The following RAE1 variants were observed in gnomAD, a reference collection of about 807,000 sequenced individuals.
RAE1 encodes the protein mRNA export factor RAE1.
Under a neutral mutation model 52.7 loss-of-function variants are expected in RAE1, and 13 were observed. The ratio of observed to expected loss-of-function variants is 0.25; its 90% CI spans 0.16 to 0.39. The LOEUF (loss-of-function observed/expected upper bound fraction) is 0.39, where lower values mean the gene tolerates loss of function less well. RAE1 is among the 10% of genes least tolerant of loss of function. RAE1 has a pLI of 1.00. For synonymous variants in RAE1, 164 were observed against 153.1 expected (o/e 1.07, Z -0.52); for missense variants, 262 against 459.8 (o/e 0.57, Z 3.93).
chr20:57,351,524 C>T, intron 1 of RAE1, 102 bp downstream of exon 1: 1 of 985,426 alleles, frequency 1.0e-6, no homozygotes, highest in Non-Finnish European at 1.2e-6. Context: ...TGCTGGGGCG[C>T]GAGCGGGACT....
At position 57,365,453 on chromosome 20, in the gene RAE1, C is replaced by T. The variant is rs776703176; in HGVS notation, c.375+11C>T. On this transcript the variant is annotated intron_variant, in intron 5 of 11. Coordinates refer to ENST00000395841, the MANE Select transcript of RAE1 (RefSeq NM_003610.4). ...ATACAGATCGCACAGGTAACAGAAG[C>T]CTCTGCAGAAAGGCTAGGCACAACT... 3.8e-6 allele frequency: 6 copies of T among 1,578,502 alleles called. No individual in the cohort carries two copies. Among genetic ancestry groups the T allele is most frequent in the Non-Finnish European group, 5.2e-6 (6 of 1,157,848 alleles).
At chr20:57,373,361 AT>A (rs577648541) in intron 8 of RAE1, 113 bp from the exon 9 acceptor site, 2 of 987,524 alleles carry the variant, frequency 2.0e-6, no homozygotes, top group Non-Finnish European at 1.5e-6. Flanking sequence ...TATTTGAGTG[AT>A]TTTTTCTGGT....
At chr20:57,356,760 G>A (rs890471455) in intron 4 of RAE1, among the ~76,000 whole-genome samples, 2 of 152,222 alleles carry the variant, frequency 1.3e-5, no homozygotes, top group African/African-American at 4.8e-5. Context: ...TGTGATTGAG[G>A]AGAGTTTAAT....
At chr20:57,363,348 AC>A (rs1173494006) in intron 4 of RAE1, among the ~76,000 whole-genome samples, 1 of 152,170 alleles carries the variant, frequency 6.6e-6, no homozygotes, top group Admixed American at 6.5e-5. Flanking sequence ...CCCGGTCTCT[AC>A]AAAAAATAGA....
intron 4 of RAE1, among the ~76,000 whole-genome samples, chr20:57,364,812 C>T (rs2066932689): frequency 6.6e-6 from 1 of 152,134 alleles, no homozygotes; most frequent in South Asian, 2.1e-4. Context: ...GGACCAATGA[C>T]TGTTGTAAAT....
rs1165921705 is a variant in RAE1, at chr20:57,378,054, C to T, written c.1062C>T (p.Phe354=). 3 of 1,612,954 alleles carry T rather than the reference C, an allele frequency of 1.9e-6. No homozygotes were observed. The highest frequency in any genetic ancestry group is 2.2e-5 in the South Asian group (2 of 91,018). ...FYNPQKKNYI[F]LRNAAEELKP... is the part of the protein sequence containing the mutation. ...ATCCCCAGAAAAAAAATTACATTTT[C>T]CTGCGTAATGCAGCCGAAGAGCTAA... Residue 354 remains phenylalanine, a synonymous_variant, in exon 12 of 12, where the codon TTC becomes TTT. Coordinates refer to ENST00000395841, the MANE Select transcript of RAE1 (RefSeq NM_003610.4).
intron 3 of RAE1, 49 bp downstream of exon 3, chr20:57,354,865 G>T: frequency 7.2e-7 from 1 of 1,382,096 alleles, no homozygotes; most frequent in Non-Finnish European, 9.9e-7. Context: ...TCTTTGTATG[G>T]CCAAGGTTAG....
In RAE1 at chr20:57,374,599, C is replaced by T. The variant is rs114427472; in HGVS notation, c.826-8C>T. 407 of 1,606,988 alleles carry T rather than the reference C, an allele frequency of 2.5e-4. 2 individuals carry two copies. In the African/African-American group the frequency reaches 5.0e-3, roughly 20 times the overall value. ...CTGGCTTCTCATTGTGCATGTCAAT[C>T]CTTGCAGGTAAATGGAATCGCGTTC... is the stretch of plus-strand genomic sequence containing the variant. On this transcript the variant is annotated splice_polypyrimidine_tract_variant and splice_region_variant and intron_variant, in intron 10 of 11. Transcript: ENST00000395841.
intron 1 of RAE1, chr20:57,351,740 AGAAGCTTTC>A: frequency 8.1e-6 from 8 of 985,474 alleles, no homozygotes; most frequent in Non-Finnish European, 9.6e-6. Context: ...AGCTCCTGGG[AGAAGCTTTC>A]CCTGGCCGCT....
chr20:57,352,167 A>AATTT (rs10625159), intron 1 of RAE1, among the ~76,000 whole-genome samples: 142 of 151,852 alleles, frequency 9.4e-4, no homozygotes, highest in African/African-American at 3.1e-3. Context: ...ATTGAAGTAT[A>AATTT]AAATAACATT....
At chr20:57,377,451 C>T (rs2067132145) in intron 11 of RAE1, among the ~76,000 whole-genome samples, 1 of 152,234 alleles carries the variant, frequency 6.6e-6, no homozygotes, top group Non-Finnish European at 1.5e-5. Context: ...CTGGCCTCAT[C>T]CTGATTTCGG....
chr20:57,372,576 G>T (rs554541455), intron 8 of RAE1: 1 of 152,128 alleles, frequency 6.6e-6, no homozygotes, highest in Non-Finnish European at 1.5e-5. Context: ...TTTTTTCTTC[G>T]TACTCACAAA....
At chr20:57,367,261 C>T (rs901821356) in intron 7 of RAE1, among the ~76,000 whole-genome samples, 182 bp downstream of exon 7, 23 of 152,054 alleles carry the variant, frequency 1.5e-4, no homozygotes, top group African/African-American at 4.8e-4. Context: ...TTTTGTGCTG[C>T]GTTTCTTTTA....
At chr20:57,376,373 G>A (rs1392027199) in intron 11 of RAE1, among the ~76,000 whole-genome samples, 1 of 152,154 alleles carries the variant, frequency 6.6e-6, no homozygotes, top group Non-Finnish European at 1.5e-5. Context: ...AAAGGTTTTT[G>A]TGTATATTAC....
intron 8 of RAE1, chr20:57,373,109 C>T (rs909334242): frequency 9.3e-5 from 24 of 257,516 alleles, no homozygotes; most frequent in Non-Finnish European, 1.5e-4. Flanking sequence ...AGCGCAGAAG[C>T]TTCGGGTGAC....
At chr20:57,353,170 C>A (rs908249354) in intron 1 of RAE1, among the ~76,000 whole-genome samples, 2 of 152,168 alleles carry the variant, frequency 1.3e-5, no homozygotes, top group Non-Finnish European at 2.9e-5. Context: ...AATGTGGTTT[C>A]AGTGTACGTA....
rs989943524 is a variant in RAE1, at chr20:57,365,348, T to A, written c.289-8T>A. On this transcript the variant is annotated splice_polypyrimidine_tract_variant and splice_region_variant and intron_variant, in intron 4 of 11. Transcript: ENST00000395841. ...TTAAAATGCAAAATTTTCTCCATTT[T>A]ATTTTAGGATGGGAGCAAAGTGTTT... The A allele has an allele frequency of 1.3e-6, 2 of 1,597,452 alleles. No individual in the cohort carries two copies. Among genetic ancestry groups the A allele is most frequent in the African/African-American group, 2.7e-5 (2 of 74,386 alleles).
rs767831566 is a variant in RAE1, at chr20:57,367,091, C to T, written c.534+12C>T. On this transcript the variant is annotated intron_variant, in intron 7 of 11. Transcript: ENST00000395841. ...ACTGTGCTGACGTGGTAAGGGATTT[C>T]AACTTAATATGTATTTACTTTAAAA... 2 of 1,541,660 alleles carry T rather than the reference C, an allele frequency of 1.3e-6. No individual in the cohort carries two copies. Among genetic ancestry groups the T allele is most frequent in the Non-Finnish European group, 1.8e-6 (2 of 1,125,030 alleles).
At chr20:57,375,184 C>T (rs2067095090) in intron 11 of RAE1, 2 of 614,224 alleles carry the variant, frequency 3.3e-6, no homozygotes, top group African/African-American at 1.8e-5. Flanking sequence ...GAGTTAGGAG[C>T]TGGCAGGAGT....
Sources: allele counts gnomAD v4.1 joint callset (sites outside exome capture counted in the v4.1 genomes callset), GRCh38; gene constraint gnomAD v4.1.1; transcripts MANE v1.5; gene names NCBI Gene and HGNC (gene_info 2026-07-23, HGNC 2026-07-21).